Variants in MACROD2 observed in about 807,000 individuals in gnomAD.
The protein encoded by MACROD2 is ADP-ribose glycohydrolase MACROD2.
MACROD2 carries 36 observed loss-of-function variants against 70.4 expected under a neutral mutation model. The ratio of observed to expected loss-of-function variants is 0.51; its 90% confidence interval spans 0.39 to 0.68. The LOEUF (loss-of-function observed/expected upper bound fraction) is 0.68. Ranked by LOEUF, MACROD2 falls within the 30% of genes least tolerant of loss-of-function variation. MACROD2 has a pLI of 0.00. For missense variants in MACROD2, 496 were observed against 538.4 expected (o/e 0.92, Z 0.78); for synonymous variants, 172 against 178.8 (o/e 0.96, Z 0.30).
intron 4 of MACROD2, among the ~76,000 whole-genome samples, chr20:14,675,930 A>G (rs552764490): frequency 2.8e-4 from 43 of 152,316 alleles, no homozygotes; most frequent in African/African-American, 9.6e-4. Flanking sequence ...CTTTAAACCA[A>G]CAAAGATTAA....
intron 3 of MACROD2, among the ~76,000 whole-genome samples, chr20:14,320,147 T>C (rs535605448): frequency 1.3e-5 from 2 of 152,348 alleles, no homozygotes; most frequent in Middle Eastern, 3.4e-3. Flanking sequence ...CAAAATACTC[T>C]GAAATCTGTT....
chr20:14,668,745 A>G (rs1047425255), intron 4 of MACROD2, among the ~76,000 whole-genome samples: 2 of 152,314 alleles, frequency 1.3e-5, no homozygotes, highest in East Asian at 3.9e-4. Context: ...TTTAATGCTA[A>G]AAAGAGCTTT....
intron 15 of MACROD2, among the ~76,000 whole-genome samples, chr20:16,006,998 A>G (rs1007435009): frequency 3.3e-5 from 5 of 152,216 alleles, no homozygotes; most frequent in African/African-American, 1.2e-4. Context: ...GGACACTACA[A>G]TCACAACTTA....
At chr20:14,296,788 A>C (rs1448098148) in intron 3 of MACROD2, among the ~76,000 whole-genome samples, 1 of 151,998 alleles carries the variant, frequency 6.6e-6, no homozygotes, top group Non-Finnish European at 1.5e-5. Context: ...AAAAGTATTC[A>C]TTCTAAAATA....
intron 10 of MACROD2, among the ~76,000 whole-genome samples, chr20:15,891,955 G>A (rs926598329): frequency 6.6e-6 from 1 of 152,112 alleles, no homozygotes; most frequent in Non-Finnish European, 1.5e-5. Context: ...AGGTGGCTAC[G>A]GGAGCCAAGA....
At chr20:15,723,820 T>C (rs1433314362) in intron 8 of MACROD2, among the ~76,000 whole-genome samples, 1 of 152,176 alleles carries the variant, frequency 6.6e-6, no homozygotes, top group African/African-American at 2.4e-5. Flanking sequence ...GAGTAACTGC[T>C]GGATTACACA....
chr20:14,265,768 G>A (rs6042630), intron 3 of MACROD2, among the ~76,000 whole-genome samples: 5 of 146,438 alleles, frequency 3.4e-5, no homozygotes, highest in South Asian at 2.1e-4. Flanking sequence ...CCTGTTCCCC[G>A]CCTTGTCCTT....
intron 5 of MACROD2, among the ~76,000 whole-genome samples, chr20:15,087,951 C>T (rs1400401886): frequency 6.6e-6 from 1 of 151,654 alleles, no homozygotes; most frequent in Non-Finnish European, 1.5e-5. Flanking sequence ...CAAATAAAAA[C>T]AATAATGAAA....
At chr20:14,739,308 A>G (rs2071705395) in intron 5 of MACROD2, among the ~76,000 whole-genome samples, 1 of 152,016 alleles carries the variant, frequency 6.6e-6, no homozygotes, top group South Asian at 2.1e-4. Context: ...AAGTGGAGAA[A>G]GCAAAATATG....
At chr20:16,002,138 C>T (rs1437985551) in intron 15 of MACROD2, among the ~76,000 whole-genome samples, 10 of 151,942 alleles carry the variant, frequency 6.6e-5, no homozygotes, top group Non-Finnish European at 1.3e-4. Context: ...AAGTAGATCT[C>T]AAAGTTATCT....
At chr20:14,397,155 T>C (rs140059805) in intron 3 of MACROD2, among the ~76,000 whole-genome samples, 1,539 of 151,518 alleles carry the variant, frequency 0.01, 40 homozygotes, top group African/African-American at 0.036. Flanking sequence ...CCACCACACC[T>C]GGGTAATTTT....
chr20:14,227,285 A>C (rs1417940988), intron 3 of MACROD2, among the ~76,000 whole-genome samples: 1 of 152,170 alleles, frequency 6.6e-6, no homozygotes, highest in Admixed American at 6.5e-5. Flanking sequence ...CGGAGCCAGC[A>C]GTGGCAACAG....
At chr20:15,920,600 C>T (rs1048964206) in intron 10 of MACROD2, among the ~76,000 whole-genome samples, 3 of 151,934 alleles carry the variant, frequency 2.0e-5, no homozygotes, top group African/African-American at 7.3e-5. Context: ...CCAGAATGTC[C>T]CCCTTGTTCC....
intron 5 of MACROD2, among the ~76,000 whole-genome samples, chr20:14,829,012 G>A (rs1387883617): frequency 6.9e-6 from 1 of 144,540 alleles, no homozygotes; most frequent in African/African-American, 2.6e-5. Context: ...ATGGTAGTTT[G>A]CTGTGCCTAT....
chr20:15,559,359 A>G (rs1044324042), intron 8 of MACROD2, among the ~76,000 whole-genome samples: 1 of 152,216 alleles, frequency 6.6e-6, no homozygotes. Context: ...GATTAAATCA[A>G]TCTCTGGAGT....
At chr20:14,952,307 G>A (rs1250402504) in intron 5 of MACROD2, among the ~76,000 whole-genome samples, 2 of 152,066 alleles carry the variant, frequency 1.3e-5, no homozygotes, top group East Asian at 3.9e-4. Flanking sequence ...TAAAGAATGT[G>A]GGTATAATGT....
At chr20:14,016,085 G>A (rs187204900) in intron 2 of MACROD2, among the ~76,000 whole-genome samples, 3 of 152,122 alleles carry the variant, frequency 2.0e-5, no homozygotes, top group African/African-American at 7.2e-5. Context: ...CATTCCAACC[G>A]CCAGTGCTAT....
intron 5 of MACROD2, among the ~76,000 whole-genome samples, chr20:14,820,007 A>G (rs1000929895): frequency 6.6e-6 from 1 of 152,086 alleles, no homozygotes; most frequent in Admixed American, 6.6e-5. Flanking sequence ...AATGAAAGGA[A>G]GCATCCTAAG....
chr20:14,248,514 C>T (rs1289943825), intron 3 of MACROD2, among the ~76,000 whole-genome samples: 2 of 152,042 alleles, frequency 1.3e-5, no homozygotes, highest in African/African-American at 2.4e-5. Flanking sequence ...ACCCGGCAGG[C>T]GGAGGTTGCA....
Sources: gnomAD v4.1 joint callset for allele counts (sites outside exome capture counted in the v4.1 genomes callset) on GRCh38, gnomAD v4.1.1 for gene constraint, MANE v1.5 for transcripts, NCBI Gene and HGNC (gene_info 2026-07-23, HGNC 2026-07-21) for gene names.